CACNA2D1: variants seen among roughly 807,000 people sequenced by gnomAD.
CACNA2D1 encodes the protein voltage-dependent calcium channel subunit alpha-2/delta-1.
A neutral mutation model predicts 171.5 loss-of-function variants in CACNA2D1; 53 were observed. The observed-to-expected ratio is 0.31, with a 90% CI of 0.25 to 0.39. The LOEUF is 0.39. Ranked by LOEUF, CACNA2D1 falls within the 10% of genes least tolerant of loss-of-function variation. The probability of loss-of-function intolerance (pLI) is 1.00; values close to 1 mark genes in which losing one functional copy is unlikely to be tolerated. For synonymous variants in CACNA2D1, 442 were observed against 443.1 expected (o/e 1.00, Z 0.03); for missense variants, 903 against 1,299.8 (o/e 0.69, Z 4.69).
intron 37 of CACNA2D1, 107 bp downstream of exon 37, chr7:81,959,613 T>G: frequency 8.1e-7 from 1 of 1,233,956 alleles, no homozygotes; most frequent in Non-Finnish European, 1.2e-6. Flanking sequence ...TGCGAGGTGA[T>G]CAGAGCAGTC....
intron 20 of CACNA2D1, 126 bp downstream of exon 20, chr7:81,994,742 T>C (rs1797870869): frequency 1.2e-5 from 7 of 602,962 alleles, no homozygotes; most frequent in South Asian, 2.3e-5. Context: ...AAAAGAAAAA[T>C]TGTTTCCTAG....
intron 1 of CACNA2D1, 138 bp downstream of exon 1, chr7:82,443,227 C>T (rs1830643476): frequency 2.6e-6 from 2 of 762,966 alleles, no homozygotes; most frequent in Non-Finnish European, 1.9e-6. Flanking sequence ...CCGGCGTCTC[C>T]GCATCCGAGC....
At chr7:82,365,745 G>A (rs559047022) in intron 1 of CACNA2D1, among the ~76,000 whole-genome samples, 111 of 152,284 alleles carry the variant, frequency 7.3e-4, no homozygotes, top group Admixed American at 1.6e-3. Context: ...AGAGCTATAC[G>A]TTACTTCTAA....
intron 1 of CACNA2D1, among the ~76,000 whole-genome samples, chr7:82,376,261 C>T (rs1209573050): frequency 6.6e-6 from 1 of 152,168 alleles, no homozygotes; most frequent in African/African-American, 2.4e-5. Flanking sequence ...CACTCACACA[C>T]TAGAAATGAA....
At chr7:82,121,225 T>A (rs868720697) in intron 5 of CACNA2D1, among the ~76,000 whole-genome samples, 11 of 152,148 alleles carry the variant, frequency 7.2e-5, no homozygotes, top group Admixed American at 2.6e-4. Flanking sequence ...CTAGGTTTTT[T>A]AATTTCTATT....
At chr7:81,971,946 A>T in intron 25 of CACNA2D1, 82 bp from the exon 26 acceptor site, 1 of 845,986 alleles carries the variant, frequency 1.2e-6, no homozygotes, top group Non-Finnish European at 2.0e-6. Flanking sequence ...TATTTCCAAA[A>T]GCAATTTAGA....
In CACNA2D1 at chr7:82,323,248, G is replaced by A. The variant is rs145749091; in HGVS notation, c.294+11887C>T. Among the ~76,000 whole-genome samples the A allele has an allele frequency of 7.0e-3, 1,059 of 151,478 alleles. 16 individuals are homozygous for A. The highest frequency in any genetic ancestry group is 0.025 in the African/African-American group (1,021 of 41,172). On this transcript the variant is annotated intron_variant, in intron 3 of 38. Coordinates refer to ENST00000356860, the MANE Select transcript of CACNA2D1 (RefSeq NM_000722.4). The stretch of plus-strand genomic sequence containing the variant: ...CAGATCAGAGCATTTCTGTTGAGGC[G>A]AGCTTGCTATGTTGTTAAAAAAAAA...
chr7:81,964,100 T>C lies in CACNA2D1; in HGVS notation c.2736A>G (p.Val912=). The C allele has an allele frequency of 6.2e-7, 1 of 1,612,250 alleles. No homozygotes were observed. The highest frequency in any genetic ancestry group is 8.5e-7 in the Non-Finnish European group (1 of 1,178,924). The change falls in exon 34 of 39, where the codon GTA becomes GTG. Residue 912 remains valine, a synonymous_variant. Transcript: ENST00000356860. ...AGHRSAYVPS[V]ADILQIGWWA... is the part of the protein sequence containing the mutation. The stretch of plus-strand genomic sequence containing the variant: ...ACCAGCCAATTTGTAATATGTCTGC[T>C]ACTGATGGCTATAAAATAAAATAAT...
chr7:82,120,086 A>T (rs1789536908), intron 5 of CACNA2D1, among the ~76,000 whole-genome samples: 1 of 152,130 alleles, frequency 6.6e-6, no homozygotes, highest in Admixed American at 6.6e-5. Flanking sequence ...CAGGAGGCTG[A>T]GACATGAGGG....
chr7:82,355,401 T>G (rs749734415), intron 1 of CACNA2D1, among the ~76,000 whole-genome samples: 2 of 152,136 alleles, frequency 1.3e-5, no homozygotes, highest in African/African-American at 4.8e-5. Context: ...TAACACTGCT[T>G]GTTAGAAATG....
intron 6 of CACNA2D1, among the ~76,000 whole-genome samples, chr7:82,114,850 C>G (rs10235167): frequency 0.019 from 2,880 of 151,870 alleles, 108 homozygotes; most frequent in African/African-American, 0.063. Context: ...TTCAGGCACA[C>G]TGGTTTTGGC....
chr7:82,389,073 G>A (rs113015532), intron 1 of CACNA2D1, among the ~76,000 whole-genome samples: 1,926 of 150,498 alleles, frequency 0.013, 54 homozygotes, highest in African/African-American at 0.044. Flanking sequence ...CCGAGATGCC[G>A]CCACTGCACT....
At chr7:82,160,359 A>C (rs56846932) in intron 4 of CACNA2D1, among the ~76,000 whole-genome samples, 57,446 of 151,680 alleles carry the variant, frequency 0.38, 10,905 homozygotes, top group Middle Eastern at 0.46. Context: ...AAAAAATTAA[A>C]AAAGAAATAA....
chr7:82,026,489 T>C lies in CACNA2D1; in HGVS notation c.1143+6308A>G, dbSNP rs189175492. 2.3e-4 allele frequency among the ~76,000 whole-genome samples: 35 copies of C among 151,920 alleles called. No homozygotes were observed. The East Asian group carries it at 6.6e-3, about 28-fold the overall frequency. ...GAGCATTTATATTTTACTAAATCTA[T>C]CGAATTTCATTTTTACACATTGGCC... On this transcript the variant is annotated intron_variant, in intron 12 of 38. Coordinates refer to ENST00000356860, the MANE Select transcript of CACNA2D1 (RefSeq NM_000722.4).
chr7:82,374,790 C>CAAAAA (rs370914675), intron 1 of CACNA2D1, among the ~76,000 whole-genome samples: 293 of 148,524 alleles, frequency 2.0e-3, no homozygotes, highest in African/African-American at 4.2e-3. Context: ...AAATGCCCCC[C>CAAAAA]AAAAAAAGAA....
intron 3 of CACNA2D1, among the ~76,000 whole-genome samples, chr7:82,313,112 C>A (rs1160180204): frequency 6.6e-6 from 1 of 152,132 alleles, no homozygotes; most frequent in Non-Finnish European, 1.5e-5. Flanking sequence ...CAGACTGATT[C>A]AAGAGGATAT....
At chr7:82,383,328 T>A (rs144098772) in intron 1 of CACNA2D1, among the ~76,000 whole-genome samples, 156 of 152,300 alleles carry the variant, frequency 1.0e-3, no homozygotes, top group African/African-American at 3.4e-3. Context: ...CTGCCAGCGG[T>A]ACCACTGCCA....
chr7:82,346,882 T>C (rs941777110), intron 2 of CACNA2D1, among the ~76,000 whole-genome samples: 7 of 152,222 alleles, frequency 4.6e-5, no homozygotes, highest in Non-Finnish European at 1.0e-4. Flanking sequence ...TTAACATATG[T>C]TCTAAAGCAT....
chr7:81,972,338 T>G (rs557434133), intron 25 of CACNA2D1, among the ~76,000 whole-genome samples: 1 of 151,886 alleles, frequency 6.6e-6, no homozygotes, highest in East Asian at 1.9e-4. Flanking sequence ...CTGTCTACTT[T>G]CACTTTCATT....
Sources: allele counts gnomAD v4.1 joint callset (sites outside exome capture counted in the v4.1 genomes callset), GRCh38; gene constraint gnomAD v4.1.1; transcripts MANE v1.5; gene names NCBI Gene and HGNC (gene_info 2026-07-23, HGNC 2026-07-21).